Variants in CACNA1C observed in about 807,000 individuals in gnomAD.
CACNA1C encodes voltage-dependent L-type calcium channel subunit alpha-1C.
A neutral mutation model predicts 229.0 loss-of-function variants in CACNA1C; 30 were observed. That is an observed-to-expected ratio of 0.13 (90% CI 0.10 to 0.18). The LOEUF is 0.18. CACNA1C is among the 10% of genes least tolerant of loss of function. The probability of loss-of-function intolerance (pLI) is 1.00; values close to 1 mark genes in which losing one functional copy is unlikely to be tolerated. For missense variants in CACNA1C, 1,658 were observed against 2,845.0 expected (o/e 0.58, Z 9.49); for synonymous variants, 1,114 against 1,132.5 (o/e 0.98, Z 0.33).
chr12:2,035,360 CTT>C, intron 1 of CACNA1C, among the ~76,000 whole-genome samples: 1 of 152,368 alleles, frequency 6.6e-6, no homozygotes, highest in South Asian at 2.1e-4. Flanking sequence ...GGCTCTGTTT[CTT>C]GGAGCCCCTG....
At chr12:2,336,769 C>T (rs1021027869) in intron 3 of CACNA1C, among the ~76,000 whole-genome samples, 4 of 152,062 alleles carry the variant, frequency 2.6e-5, no homozygotes, top group Admixed American at 6.6e-5. Flanking sequence ...GGCATCTGGG[C>T]GGAGGTTTCT....
chr12:2,165,561 A>G (rs2096173011), intron 3 of CACNA1C, among the ~76,000 whole-genome samples: 1 of 152,230 alleles, frequency 6.6e-6, no homozygotes. Flanking sequence ...GGATACCTCA[A>G]TCTTACCAAC....
chr12:2,294,866 C>G (rs920238144), intron 3 of CACNA1C, among the ~76,000 whole-genome samples: 3 of 152,120 alleles, frequency 2.0e-5, no homozygotes, highest in Non-Finnish European at 4.4e-5. Flanking sequence ...TGGTCTCCGT[C>G]TGTGTGCACA....
chr12:1,972,988 C>T (rs1198106491), intron 1 of CACNA1C, among the ~76,000 whole-genome samples: 3 of 152,204 alleles, frequency 2.0e-5, no homozygotes, highest in Non-Finnish European at 2.9e-5. Flanking sequence ...TGCGTTTGGC[C>T]GGCTCTGTGC....
At chr12:2,216,641 C>T (rs966901225) in intron 3 of CACNA1C, among the ~76,000 whole-genome samples, 7 of 152,224 alleles carry the variant, frequency 4.6e-5, no homozygotes, top group Admixed American at 4.6e-4. Context: ...ATAATCTGGG[C>T]AGCCTTTTAA....
chr12:2,567,072 C>T lies in CACNA1C; in HGVS notation c.1669+490C>T, dbSNP rs561364181. On this transcript the variant is annotated intron_variant, in intron 12 of 46. Coordinates refer to ENST00000399655, the MANE Select transcript of CACNA1C (RefSeq NM_000719.7). ...CATTATCCTTCCTTGGGCCCCTAGA[C>T]GAGGGTCCCACTAGCCAGGCCTCAG... 3.3e-4 allele frequency among the ~76,000 whole-genome samples: 50 copies of T among 152,316 alleles called. No homozygotes were observed. In the Middle Eastern group the frequency reaches 0.01, roughly 31 times the overall value.
chr12:2,667,232 CA>C (rs959589385), intron 37 of CACNA1C, among the ~76,000 whole-genome samples: 13 of 97,946 alleles, frequency 1.3e-4, no homozygotes, highest in African/African-American at 9.2e-4. Flanking sequence ...GACCATGACC[CA>C]AAAAAAAAGT....
chr12:2,412,019 C>T (rs975513343), intron 3 of CACNA1C, among the ~76,000 whole-genome samples: 2 of 152,192 alleles, frequency 1.3e-5, no homozygotes, highest in African/African-American at 4.8e-5. Context: ...CTTGCTCGAG[C>T]TAGGCCCTGG....
intron 3 of CACNA1C, among the ~76,000 whole-genome samples, chr12:2,192,261 T>C (rs569807656): frequency 6.6e-6 from 1 of 152,342 alleles, no homozygotes; most frequent in East Asian, 1.9e-4. Context: ...TTGGCTGCTG[T>C]GTCTTCCTAT....
intron 5 of CACNA1C, among the ~76,000 whole-genome samples, chr12:2,482,856 C>T (rs767758190): frequency 1.2e-4 from 18 of 152,240 alleles, no homozygotes; most frequent in Non-Finnish European, 2.5e-4. Context: ...CATCTAACCC[C>T]TCTTCCTCAA....
intron 1 of CACNA1C, among the ~76,000 whole-genome samples, chr12:2,085,678 T>G (rs1054316198): frequency 6.6e-6 from 1 of 152,192 alleles, no homozygotes; most frequent in Non-Finnish European, 1.5e-5. Flanking sequence ...ACCTTCTAAC[T>G]AGATTCTGTA....
rs183598539 is a variant in CACNA1C, at chr12:2,483,945, G to A, written c.758-2159G>A. 1.2e-3 allele frequency among the ~76,000 whole-genome samples: 188 copies of A among 152,248 alleles called. 1 individual carries two copies. Among genetic ancestry groups the A allele is most frequent in the Admixed American group, 3.1e-3 (47 of 15,290 alleles). On this transcript the variant is annotated intron_variant, in intron 5 of 46. Transcript: ENST00000399655. ...TCACCAGCGCTCCAGGACAGCAGTAGCATTTATTTAGATGATAAGTTTTGT... is the reference window on the plus strand; with the variant it reads ...TCACCAGCGCTCCAGGACAGCAGTAACATTTATTTAGATGATAAGTTTTGT...
At chr12:2,070,649 A>C (rs980797509) in intron 1 of CACNA1C, among the ~76,000 whole-genome samples, 14 of 152,232 alleles carry the variant, frequency 9.2e-5, no homozygotes, top group Non-Finnish European at 1.6e-4. Flanking sequence ...CTGTCAGTCT[A>C]AATGAATAAT....
chr12:2,662,716 A>C (rs1414493466), intron 34 of CACNA1C, among the ~76,000 whole-genome samples: 1 of 152,238 alleles, frequency 6.6e-6, no homozygotes, highest in Non-Finnish European at 1.5e-5. Flanking sequence ...GGACTCCTGC[A>C]CTGTGAGAGG....
chr12:2,620,338 C>G (rs192267967), intron 29 of CACNA1C, among the ~76,000 whole-genome samples: 1 of 152,196 alleles, frequency 6.6e-6, no homozygotes, highest in South Asian at 2.1e-4. Flanking sequence ...TTAGGTGACT[C>G]AAAAGCCACT....
At chr12:2,421,679 G>A (rs937869706) in intron 3 of CACNA1C, among the ~76,000 whole-genome samples, 84 of 152,146 alleles carry the variant, frequency 5.5e-4, no homozygotes, top group African/African-American at 2.0e-3. Context: ...TTGGGAGGCC[G>A]AGGTGGGTAG....
chr12:2,064,302 C>T (rs1008857165), intron 1 of CACNA1C, among the ~76,000 whole-genome samples: 2 of 152,222 alleles, frequency 1.3e-5, no homozygotes, highest in Non-Finnish European at 2.9e-5. Flanking sequence ...TCTCCCTCTG[C>T]CTGTGTGTCT....
chr12:2,228,947 T>C (rs1009916107), intron 3 of CACNA1C, among the ~76,000 whole-genome samples: 1 of 152,176 alleles, frequency 6.6e-6, no homozygotes, highest in Non-Finnish European at 1.5e-5. Context: ...TGTGTGTGTG[T>C]GTGCATATCT....
At position 2,489,241 on chromosome 12, in the gene CACNA1C, A is replaced by C. The variant is rs528168989; in HGVS notation, c.916+2979A>C. 2.0e-5 allele frequency among the ~76,000 whole-genome samples: 3 copies of C among 152,294 alleles called. No homozygotes were observed. In the East Asian group the frequency reaches 5.8e-4, roughly 29 times the overall value. ...ATGAGATTTACATCAAATTCTTTTTATAGTCCAATATTATTTCACAGACTG... is the reference window on the plus strand; with the variant it reads ...ATGAGATTTACATCAAATTCTTTTTCTAGTCCAATATTATTTCACAGACTG... On this transcript the variant is annotated intron_variant, in intron 6 of 46. Coordinates refer to ENST00000399655, the MANE Select transcript of CACNA1C (RefSeq NM_000719.7).
Sources: allele counts gnomAD v4.1 joint callset (sites outside exome capture counted in the v4.1 genomes callset), GRCh38; gene constraint gnomAD v4.1.1; transcripts MANE v1.5; gene names NCBI Gene and HGNC (gene_info 2026-07-23, HGNC 2026-07-21).